Variants in SLC45A4 observed in about 807,000 individuals in gnomAD.
SLC45A4 encodes the protein solute carrier family 45 member 4.
Under a neutral mutation model 63.7 loss-of-function variants are expected in SLC45A4, and 32 were observed. The observed-to-expected ratio is 0.50, with a 90% confidence interval of 0.38 to 0.67. SLC45A4 has a LOEUF of 0.67. Among genes scored for constraint, SLC45A4 ranks in the 30% least tolerant of loss-of-function variants. The pLI, the probability that SLC45A4 is intolerant of heterozygous loss-of-function variation, is 0.00. For synonymous variants in SLC45A4, 535 were observed against 510.0 expected, an observed-to-expected ratio of 1.05 and a Z score of -0.66; for missense variants, 1,027 against 1,157.7, an observed-to-expected ratio of 0.89 and a Z score of 1.64.
At chr8:141,263,303 ATG>A (rs1829114989) in intron 1 of SLC45A4, among the ~76,000 whole-genome samples, 1 of 152,048 alleles carries the variant, frequency 6.6e-6, no homozygotes, top group Non-Finnish European at 1.5e-5. Context: ...AACATGGCAC[ATG>A]TATACATATG....
At position 141,212,470 on chromosome 8, in the gene SLC45A4, G is replaced by T; in HGVS notation, c.2028C>A (p.Ile676=). 6.2e-7 allele frequency: 1 copy of T among 1,613,922 alleles called. No homozygotes were observed. The highest frequency in any genetic ancestry group is 8.5e-7 in the Non-Finnish European group (1 of 1,180,026). The change falls in exon 8 of 9, where the codon ATC becomes ATA. Residue 676 remains isoleucine, a synonymous_variant. Transcript: ENST00000517878. ...ILSCQVYISQ[I]LVASALGGVV... ...CGCCCCCAAGGGCAGAGGCCACCAG[G>T]ATCTGCGAGATGTACACTTGGCAGG... is the stretch of plus-strand genomic sequence containing the variant.
intron 2 of SLC45A4, among the ~76,000 whole-genome samples, chr8:141,244,466 G>A (rs1197655516): frequency 1.3e-5 from 2 of 152,242 alleles, no homozygotes; most frequent in Non-Finnish European, 2.9e-5. Context: ...TGGGAACAAA[G>A]GTGAGTTGGA....
rs1440398041 is a variant in SLC45A4, at chr8:141,256,053, C to A, written c.-400-1424G>T. Among the ~76,000 whole-genome samples the A allele has an allele frequency of 6.6e-6, 1 of 152,154 alleles. No individual in the cohort carries two copies. Among genetic ancestry groups the A allele is most frequent in the East Asian group, 1.9e-4 (1 of 5,186 alleles). Reference sequence around the variant, plus strand: ...CCCTCGGCTTTCCACCACCCTGCCTCCAGTGACAAACCCAGCTTGGTGACA... The same window carrying A: ...CCCTCGGCTTTCCACCACCCTGCCTACAGTGACAAACCCAGCTTGGTGACA... On this transcript the variant is annotated intron_variant, in intron 1 of 8. Transcript: ENST00000517878. The surrounding 1 kb of genome is among the most constrained non-coding windows in gnomAD (Gnocchi z 4.3).
chr8:141,279,676 T>C (rs1434438796), intron 1 of SLC45A4, among the ~76,000 whole-genome samples: 1 of 152,036 alleles, frequency 6.6e-6, no homozygotes, highest in African/African-American at 2.4e-5. Flanking sequence ...CTGCCCTCCC[T>C]GGCACACGCC....
chr8:141,282,932 G>A (rs890882457), intron 1 of SLC45A4, among the ~76,000 whole-genome samples: 3 of 152,206 alleles, frequency 2.0e-5, no homozygotes, highest in Admixed American at 1.3e-4. Context: ...GCGCGGCCTC[G>A]TGCCTAGGCC....
intron 1 of SLC45A4, among the ~76,000 whole-genome samples, chr8:141,304,008 T>TC (rs1024684928): frequency 1.3e-5 from 2 of 151,744 alleles, no homozygotes; most frequent in Non-Finnish European, 1.5e-5. Context: ...CCAGCACTAT[T>TC]CCCCCCCGCG....
chr8:141,230,394 G>A (rs1827279992), intron 2 of SLC45A4: 3 of 331,828 alleles, frequency 9.0e-6, no homozygotes, highest in Admixed American at 4.2e-5. Flanking sequence ...CATGGGTGCC[G>A]AGGGTTCCCA....
chr8:141,216,830 T>A (rs967449136), intron 6 of SLC45A4, among the ~76,000 whole-genome samples: 1 of 152,220 alleles, frequency 6.6e-6, no homozygotes, highest in Non-Finnish European at 1.5e-5. Flanking sequence ...GACAGCATCA[T>A]GGGACCGCAC....
intron 1 of SLC45A4, among the ~76,000 whole-genome samples, chr8:141,303,100 C>T (rs1159441148): frequency 6.7e-6 from 1 of 149,798 alleles, no homozygotes; most frequent in Non-Finnish European, 1.5e-5. Flanking sequence ...TGAGCTCCAG[C>T]AATCCTCCCG....
chr8:141,288,547 G>A (rs1404825886), intron 1 of SLC45A4, among the ~76,000 whole-genome samples: 3 of 152,208 alleles, frequency 2.0e-5, no homozygotes, highest in Non-Finnish European at 4.4e-5. Flanking sequence ...TAGATCTTCT[G>A]GAGCCCAGCT....
Position 141,229,455 on chromosome 8 carries a change from C to T in SLC45A4, c.242-7690G>A. 6.6e-6 allele frequency among the ~76,000 whole-genome samples: 1 copy of T among 152,108 alleles called. No individual in the cohort carries two copies. Among genetic ancestry groups the T allele is most frequent in the Non-Finnish European group, 1.5e-5 (1 of 68,018 alleles). On this transcript the variant is annotated intron_variant, in intron 2 of 8. Transcript: ENST00000517878. The surrounding 1 kb of genome is among the most constrained non-coding windows in gnomAD (Gnocchi z 5.0). ...CTCACATCCCGCTCAGAACCTCAGC[C>T]ACGGCCACTGGGGAGGGTCCAGCCA... is the stretch of plus-strand genomic sequence containing the variant.
Position 141,215,658 on chromosome 8 carries a change from T to C in SLC45A4, c.1941+101A>G. 1 of 1,209,600 alleles carries C rather than the reference T, an allele frequency of 8.3e-7. No individual in the cohort carries two copies. The highest frequency in any genetic ancestry group is 1.2e-6 in the Non-Finnish European group (1 of 843,410). 74.9% of individuals were successfully genotyped at this position (1,209,600 alleles called of 1,614,324 possible). ...ACCGGAGAGGAAGGAGGGCCATCTG[T>C]GTCGTGAACGTCCCCCCGGGGAAGC... On this transcript the variant is annotated intron_variant, in intron 7 of 8. Coordinates refer to ENST00000517878, the MANE Select transcript of SLC45A4 (RefSeq NM_001286646.2). The surrounding 1 kb of genome is among the most constrained non-coding windows in gnomAD (Gnocchi z 4.3).
chr8:141,277,103 C>T (rs1190335447), intron 1 of SLC45A4, among the ~76,000 whole-genome samples: 4 of 152,194 alleles, frequency 2.6e-5, no homozygotes, highest in Non-Finnish European at 5.9e-5. Flanking sequence ...GTGAGGAGCC[C>T]GCGCCGCCCT....
intron 2 of SLC45A4, among the ~76,000 whole-genome samples, chr8:141,243,313 C>G (rs545933196): frequency 1.2e-4 from 18 of 152,306 alleles, no homozygotes; most frequent in African/African-American, 4.3e-4. Context: ...AGGTGCCCCC[C>G]GCCGCAGCAA....
At chr8:141,305,095 G>C (rs889026719) in intron 1 of SLC45A4, among the ~76,000 whole-genome samples, 7 of 152,306 alleles carry the variant, frequency 4.6e-5, no homozygotes, top group Non-Finnish European at 1.0e-4. Flanking sequence ...CTCTGAAAGT[G>C]CCTGATTTCA....
At chr8:141,255,208 C>T (rs1828717168) in intron 1 of SLC45A4, among the ~76,000 whole-genome samples, 1 of 152,224 alleles carries the variant, frequency 6.6e-6, no homozygotes, top group Admixed American at 6.5e-5. Flanking sequence ...TCTCCCACCT[C>T]ATCCTCCCGA....
intron 1 of SLC45A4, among the ~76,000 whole-genome samples, chr8:141,290,576 A>G (rs372253028): frequency 6.6e-6 from 1 of 152,232 alleles, no homozygotes; most frequent in Non-Finnish European, 1.5e-5. Context: ...AGTTTCGGTC[A>G]TGACAACGAC....
chr8:141,212,003 G>A (rs1825849900), intron 8 of SLC45A4, 194 bp downstream of exon 8: 3 of 1,307,948 alleles, frequency 2.3e-6, no homozygotes, highest in Middle Eastern at 2.9e-4. Context: ...TATTTGCTTA[G>A]TAGCTCAAAC....
At chr8:141,300,362 T>C (rs1372098122) in intron 1 of SLC45A4, among the ~76,000 whole-genome samples, 1 of 152,188 alleles carries the variant, frequency 6.6e-6, no homozygotes, top group Non-Finnish European at 1.5e-5. Context: ...GAAGTGGTGG[T>C]TTTTTGGTTA....
Sources: gnomAD v4.1 joint callset for allele counts (sites outside exome capture counted in the v4.1 genomes callset) on GRCh38, gnomAD v4.1.1 for gene constraint, Gnocchi (gnomAD v3.1) non-coding constraint, MANE v1.5 for transcripts, NCBI Gene and HGNC (gene_info 2026-07-23, HGNC 2026-07-21) for gene names.